The following EIF2AK4 variants were observed in gnomAD, a reference collection of about 807,000 sequenced individuals.
EIF2AK4 encodes the protein eIF-2-alpha kinase GCN2.
In EIF2AK4, 139 loss-of-function variants were observed where a neutral mutation model predicts 211.1. The observed-to-expected ratio is 0.66, with a 90% confidence interval of 0.57 to 0.76. EIF2AK4 has a LOEUF of 0.76. Among genes scored for constraint, EIF2AK4 ranks in the 30% least tolerant of loss-of-function variants. The pLI, the probability that EIF2AK4 is intolerant of heterozygous loss-of-function variation, is 0.00. For synonymous variants in EIF2AK4, 710 were observed against 751.3 expected (o/e 0.94, Z 0.90); for missense variants, 1,664 against 2,043.8 (o/e 0.81, Z 3.58).
At chr15:40,003,424 G>A (rs2035119577) in intron 23 of EIF2AK4, 110 bp downstream of exon 23, 49 of 1,481,338 alleles carry the variant, frequency 3.3e-5, no homozygotes, top group Non-Finnish European at 4.2e-5. Context: ...TGTCACCTTT[G>A]GGAAATGTAT....
Position 40,022,208 on chromosome 15 carries a change from GTGTGTGTA to G in EIF2AK4, c.4303-307_4303-300del, listed in dbSNP as rs934016721. On this transcript the variant is annotated intron_variant, in intron 31 of 38. Transcript: ENST00000263791. ...TGTGTGTGTGTGTGTGTGTGTGTGT[GTGTGTGTA>G]TGTTGTGTTGTATAATTTTGGGCAT... is the stretch of plus-strand genomic sequence containing the variant. 25 of 233,462 alleles carry G rather than the reference GTGTGTGTA, an allele frequency of 1.1e-4. 2 individuals are homozygous for G. Among genetic ancestry groups the G allele is most frequent in the Middle Eastern group, 1.5e-3 (1 of 678 alleles). The allele number at this position is 233,462 out of a possible 1,614,324, so 14.5% of individuals were successfully genotyped here. A position where few individuals can be genotyped will look rare whatever the true frequency, so the allele number is the denominator to read the frequency against.
In EIF2AK4 at chr15:40,032,747, G is replaced by A; in HGVS notation, c.4729-10G>A. 6.2e-7 allele frequency: 1 copy of A among 1,612,620 alleles called. No individual in the cohort carries two copies. The highest frequency in any genetic ancestry group is 8.5e-7 in the Non-Finnish European group (1 of 1,179,274). On this transcript the variant is annotated splice_polypyrimidine_tract_variant and intron_variant, in intron 36 of 38. Coordinates refer to ENST00000263791, the MANE Select transcript of EIF2AK4 (RefSeq NM_001013703.4). Reference sequence around the variant, plus strand: ...GCTGAGAGTTGATGTACATTTGTGTGTATTCACAGGTGGATCTACCCAAAG... The same window carrying A: ...GCTGAGAGTTGATGTACATTTGTGTATATTCACAGGTGGATCTACCCAAAG...
chr15:39,993,185 C>T (rs551085879), intron 18 of EIF2AK4, among the ~76,000 whole-genome samples: 31 of 150,486 alleles, frequency 2.1e-4, no homozygotes, highest in Admixed American at 1.5e-3. Flanking sequence ...TCCATCCACT[C>T]GTCCATCCGT....
Position 40,008,027 on chromosome 15 carries a change from A to T in EIF2AK4, c.3408A>T (p.Arg1136=), listed in dbSNP as rs2035184444. 1 of 1,570,066 alleles carries T rather than the reference A, an allele frequency of 6.4e-7. No homozygotes were observed. The highest frequency in any genetic ancestry group is 8.6e-7 in the Non-Finnish European group (1 of 1,160,634). The change falls in exon 25 of 39, where the codon CGA becomes CGT. Residue 1136 remains arginine (R), a splice_region_variant and synonymous_variant. Coordinates refer to ENST00000263791, the MANE Select transcript of EIF2AK4 (RefSeq NM_001013703.4). ...VARNNILNLK[R]YCIERVFRPR... ...TAGAAATCTGGGTTTCTCTCTCCAGATACTGCATAGAACGTGTGTTCAGGC... is the reference window on the plus strand; with the variant it reads ...TAGAAATCTGGGTTTCTCTCTCCAGTTACTGCATAGAACGTGTGTTCAGGC...
intron 9 of EIF2AK4, among the ~76,000 whole-genome samples, chr15:39,968,121 TG>T (rs1566989069): frequency 6.6e-6 from 1 of 152,208 alleles, no homozygotes. Context: ...AAACTCCTTT[TG>T]GGGGACTGAT....
intron 14 of EIF2AK4, among the ~76,000 whole-genome samples, chr15:39,986,445 G>A (rs1369664205): frequency 6.6e-6 from 1 of 152,256 alleles, no homozygotes; most frequent in Non-Finnish European, 1.5e-5. Flanking sequence ...CCAGTGCACA[G>A]GCAAGCCAGT....
chr15:40,011,256 T>C (rs1250657606), intron 26 of EIF2AK4, 25 bp from the exon 27 acceptor site: 5 of 1,611,374 alleles, frequency 3.1e-6, no homozygotes, highest in Non-Finnish European at 4.2e-6. Flanking sequence ...GCGACTCTCA[T>C]TGTTACCTTT....
rs776430303 is a variant in EIF2AK4, at chr15:40,022,586, A to G, written c.4370A>G (p.Lys1457Arg). ...ACCTATGTGGCCCTTGTCTCGGATA[A>G]AGAAGGAAGCCATGTCAAGGTAAAG... ...EITYVALVSD[K>R]EGSHVKVKSF... Residue 1457 changes from lysine (K) to arginine (R), a missense_variant, in exon 32 of 39, where the codon AAA (lysine) becomes AGA (arginine). Physicochemically the swap from Lys to Arg is conservative, Grantham distance 26. This residue lies in a region of EIF2AK4 where 622 missense variants were observed against 796.8 expected (regional missense o/e 0.78). Coordinates refer to ENST00000263791, the MANE Select transcript of EIF2AK4 (RefSeq NM_001013703.4). 11 of 1,614,186 alleles carry G rather than the reference A, an allele frequency of 6.8e-6. No homozygotes were observed. Among genetic ancestry groups the G allele is most frequent in the Non-Finnish European group, 9.3e-6 (11 of 1,180,006 alleles).
intron 3 of EIF2AK4, among the ~76,000 whole-genome samples, chr15:39,944,703 GATTA>G (rs1369597518): frequency 1.3e-5 from 2 of 152,128 alleles, no homozygotes; most frequent in Admixed American, 6.5e-5. Flanking sequence ...AAAGTGCTGG[GATTA>G]CAGGCGTGAG....
At chr15:39,978,225 A>G in intron 13 of EIF2AK4, 78 bp downstream of exon 13, 1 of 753,668 alleles carries the variant, frequency 1.3e-6, no homozygotes, top group South Asian at 2.6e-5. Flanking sequence ...TAGGTAAAGT[A>G]TTAAGGCTTT....
chr15:39,972,884 G>A, intron 9 of EIF2AK4, 24 bp from the exon 10 acceptor site: 6 of 1,595,244 alleles, frequency 3.8e-6, no homozygotes, highest in Non-Finnish European at 5.2e-6. Flanking sequence ...GTGATGCTAA[G>A]ATTCTTCCTT....
At chr15:39,956,192 G>T (rs1264326087) in intron 6 of EIF2AK4, among the ~76,000 whole-genome samples, 1 of 151,910 alleles carries the variant, frequency 6.6e-6, no homozygotes, top group Non-Finnish European at 1.5e-5. Context: ...GTTTAGTAGA[G>T]TTGGGGTTTC....
intron 1 of EIF2AK4, among the ~76,000 whole-genome samples, chr15:39,938,878 T>C (rs1049499697): frequency 2.6e-5 from 4 of 152,248 alleles, no homozygotes; most frequent in South Asian, 2.1e-4. Context: ...TATGAACTAC[T>C]TCAAATCCAC....
At chr15:39,938,057 C>A (rs957729410) in intron 1 of EIF2AK4, among the ~76,000 whole-genome samples, 1 of 152,210 alleles carries the variant, frequency 6.6e-6, no homozygotes, top group African/African-American at 2.4e-5. Context: ...TACCCTCACA[C>A]CCCAAGTCGT....
intron 27 of EIF2AK4, among the ~76,000 whole-genome samples, 176 bp downstream of exon 27, chr15:40,011,522 G>A (rs1463861602): frequency 1.3e-5 from 2 of 152,192 alleles, no homozygotes; most frequent in Non-Finnish European, 2.9e-5. Flanking sequence ...GGAGAAGGGA[G>A]AAACTAATGC....
At chr15:39,943,579 G>T (rs2034179482) in intron 3 of EIF2AK4, 94 bp downstream of exon 3, 5 of 986,864 alleles carry the variant, frequency 5.1e-6, no homozygotes, top group Non-Finnish European at 7.6e-6. Context: ...TGTTTTATTG[G>T]TTCTACAAAA....
chr15:40,018,129 T>C (rs1464457937), intron 29 of EIF2AK4, among the ~76,000 whole-genome samples: 2 of 152,210 alleles, frequency 1.3e-5, no homozygotes, highest in Non-Finnish European at 2.9e-5. Flanking sequence ...CATCAAACAG[T>C]GTTAAATTTT....
At position 39,988,039 on chromosome 15, in the gene EIF2AK4, A is replaced by G; in HGVS notation, c.2460A>G (p.Arg820=). 1 of 1,614,148 alleles carries G rather than the reference A, an allele frequency of 6.2e-7. No individual in the cohort carries two copies. The highest frequency in any genetic ancestry group is 8.5e-7 in the Non-Finnish European group (1 of 1,179,974). ...LRDTIDQGLY[R]DTVRLWRLFR... Reference sequence around the variant, plus strand: ...ACACCATTGACCAGGGACTGTATCGAGACACCGTCAGACTCTGGAGGCTTT... The same window carrying G: ...ACACCATTGACCAGGGACTGTATCGGGACACCGTCAGACTCTGGAGGCTTT... Residue 820 remains arginine, a synonymous_variant, in exon 15 of 39, where the codon CGA becomes CGG. Transcript: ENST00000263791.
chr15:39,998,696 GC>G (rs1454396863), intron 19 of EIF2AK4, 34 bp from the exon 20 acceptor site: 1 of 1,578,248 alleles, frequency 6.3e-7, no homozygotes, highest in Non-Finnish European at 8.7e-7. Context: ...GTGGCAGTCT[GC>G]CAAAACCTTG....
Sources: allele counts gnomAD v4.1 joint callset (sites outside exome capture counted in the v4.1 genomes callset), GRCh38; gene constraint gnomAD v4.1.1; regional missense constraint gnomAD v4.1.1; transcripts MANE v1.5; gene names NCBI Gene and HGNC (gene_info 2026-07-23, HGNC 2026-07-21).